PTPRD: variants seen among roughly 807,000 people sequenced by gnomAD.
PTPRD encodes protein tyrosine phosphatase receptor type D.
Under a neutral mutation model 214.5 loss-of-function variants are expected in PTPRD, and 34 were observed. The ratio of observed to expected loss-of-function variants is 0.16; its 90% CI spans 0.12 to 0.21. The LOEUF is 0.21. PTPRD is among the 10% of genes least tolerant of loss of function. The probability of loss-of-function intolerance (pLI) is 1.00; values close to 1 mark genes in which losing one functional copy is unlikely to be tolerated. For synonymous variants in PTPRD, 1,128 were observed against 845.7 expected (o/e 1.33, Z -5.79); for missense variants, 2,545 against 2,398.7 (o/e 1.06, Z -1.27).
rs1322284 is a variant in PTPRD at position 10,582,950 on chromosome 9, G to T, written c.-600+29448C>A. 9.7e-3 allele frequency among the ~76,000 whole-genome samples: 1,472 copies of T among 152,178 alleles called. 60 individuals carry two copies. In the East Asian group the frequency reaches 0.11, roughly 12 times the overall value. On this transcript the variant is annotated intron_variant, in intron 2 of 45. Coordinates refer to ENST00000381196, the MANE Select transcript of PTPRD (RefSeq NM_002839.4). ...GTGAAATGACATAGGATAGAGGGAG[G>T]AAAAAATAGAAGTGTATTTGATAGA...
rs896960730 is a variant in PTPRD, at chr9:9,776,617, C to T, written c.-367-9766G>A. 6.6e-5 allele frequency among the ~76,000 whole-genome samples: 10 copies of T among 152,252 alleles called. No homozygotes were observed. The South Asian group carries it at 8.3e-4, about 13-fold the overall frequency. On this transcript the variant is annotated intron_variant, in intron 5 of 45. Coordinates refer to ENST00000381196, the MANE Select transcript of PTPRD (RefSeq NM_002839.4). ...TGTGTTGAATCCAAAATACGATCTA[C>T]TCCCTTCTAGCTAACAAGAAAAAAA...
In PTPRD at chr9:9,726,238, G is replaced by A. The variant is rs897151381; in HGVS notation, c.-287+8295C>T. On this transcript the variant is annotated intron_variant, in intron 7 of 45. Coordinates refer to ENST00000381196, the MANE Select transcript of PTPRD (RefSeq NM_002839.4). ...CCTACACCAAAAAAACTTCACTATC[G>A]GATATCCGCATAACACTGACATTGG... 4.0e-4 allele frequency among the ~76,000 whole-genome samples: 61 copies of A among 151,996 alleles called. 1 individual carries two copies. Among genetic ancestry groups the A allele is most frequent in the Admixed American group, 2.6e-4 (4 of 15,250 alleles).
intron 11 of PTPRD, among the ~76,000 whole-genome samples, chr9:8,969,095 CA>C (rs2099219437): frequency 6.6e-6 from 1 of 152,084 alleles, no homozygotes; most frequent in African/African-American, 2.4e-5. Flanking sequence ...TCCTCCTCCT[CA>C]TCCCATTCCT....
intron 2 of PTPRD, among the ~76,000 whole-genome samples, chr9:10,564,454 A>T (rs2065028947): frequency 2.6e-5 from 4 of 151,888 alleles, no homozygotes; most frequent in Non-Finnish European, 5.9e-5. Flanking sequence ...AGAAAAAAAA[A>T]AAAGAAATTT....
intron 2 of PTPRD, among the ~76,000 whole-genome samples, chr9:10,601,311 G>T (rs1178838130): frequency 6.6e-6 from 1 of 151,384 alleles, no homozygotes; most frequent in Admixed American, 6.6e-5. Flanking sequence ...AAAAAAAAAT[G>T]TTGGCCTGAT....
rs1563830632 is a variant in PTPRD at position 8,316,227 on chromosome 9, T to C, written c.*1647A>G. The C allele has an allele frequency of 4.3e-6, 1 of 230,060 alleles. No individual in the cohort carries two copies. Among genetic ancestry groups the C allele is most frequent in the Non-Finnish European group, 8.6e-6 (1 of 115,826 alleles). The allele number at this position is 230,060 out of a possible 1,614,324, so 14.3% of individuals were successfully genotyped here. On this transcript the variant is annotated 3_prime_UTR_variant, in exon 46 of 46. Coordinates refer to ENST00000381196, the MANE Select transcript of PTPRD (RefSeq NM_002839.4). ...GGAATGCATATTATTCAAAGAGTTT[T>C]TGTACATGTGGTAAACAGATAATGC...
At chr9:8,835,655 G>C (rs1001610901) in intron 11 of PTPRD, among the ~76,000 whole-genome samples, 1 of 152,064 alleles carries the variant, frequency 6.6e-6, no homozygotes, top group Non-Finnish European at 1.5e-5. Context: ...TCAGCCTCCT[G>C]AGTAGCTGGA....
intron 3 of PTPRD, among the ~76,000 whole-genome samples, chr9:10,314,176 G>C (rs2096355287): frequency 6.6e-6 from 1 of 151,838 alleles, no homozygotes; most frequent in Non-Finnish European, 1.5e-5. Context: ...ATATTAATAT[G>C]GTAGATACAT....
At chr9:10,540,095 G>T (rs541829076) in intron 2 of PTPRD, among the ~76,000 whole-genome samples, 1 of 152,040 alleles carries the variant, frequency 6.6e-6, no homozygotes, top group Non-Finnish European at 1.5e-5. Context: ...CAGTGGCATG[G>T]TCTTGGCTCA....
chr9:10,069,898 G>A (rs1237171232), intron 3 of PTPRD, among the ~76,000 whole-genome samples: 4 of 152,054 alleles, frequency 2.6e-5, no homozygotes, highest in Admixed American at 2.6e-4. Flanking sequence ...TAAAAGAAGA[G>A]ATCCTATGTA....
At chr9:8,962,697 T>A (rs1039766339) in intron 11 of PTPRD, 3 of 152,122 alleles carry the variant, frequency 2.0e-5, no homozygotes, top group Non-Finnish European at 1.5e-5. Flanking sequence ...AATAACAAAT[T>A]AGCTGAGTCA....
At chr9:9,376,595 T>C (rs932130214) in intron 9 of PTPRD, among the ~76,000 whole-genome samples, 1 of 152,136 alleles carries the variant, frequency 6.6e-6, no homozygotes, top group African/African-American at 2.4e-5. Flanking sequence ...AGTGAAACAT[T>C]TCCTAAACAC....
chr9:8,676,838 G>T (rs9886794), intron 12 of PTPRD, among the ~76,000 whole-genome samples: 42,442 of 152,060 alleles, frequency 0.28, 6,648 homozygotes, highest in African/African-American at 0.42. Flanking sequence ...CCTCCCAAAG[G>T]GCTGGGACTG....
At chr9:8,915,248 T>C (rs1467083583) in intron 11 of PTPRD, among the ~76,000 whole-genome samples, 1 of 152,146 alleles carries the variant, frequency 6.6e-6, no homozygotes, top group East Asian at 1.9e-4. Flanking sequence ...ATCAACGTTT[T>C]GAAGAATCCA....
chr9:10,037,692 A>G (rs2097212666), intron 3 of PTPRD, among the ~76,000 whole-genome samples: 1 of 151,900 alleles, frequency 6.6e-6, no homozygotes, highest in Non-Finnish European at 1.5e-5. Context: ...CTAATATTTG[A>G]GAGAGGATCA....
intron 11 of PTPRD, among the ~76,000 whole-genome samples, chr9:8,789,535 GTCT>G (rs1566074797): frequency 6.6e-6 from 1 of 152,104 alleles, no homozygotes; most frequent in African/African-American, 2.4e-5. Context: ...TAGCACTCCT[GTCT>G]TCTTTGGTGT....
intron 11 of PTPRD, among the ~76,000 whole-genome samples, chr9:8,865,401 C>G (rs1019810129): frequency 1.3e-5 from 2 of 152,022 alleles, no homozygotes; most frequent in African/African-American, 4.8e-5. Flanking sequence ...ATAGGCATTT[C>G]ATAAATATTT....
At chr9:9,820,384 G>C (rs1229179984) in intron 5 of PTPRD, among the ~76,000 whole-genome samples, 1 of 152,042 alleles carries the variant, frequency 6.6e-6, no homozygotes, top group Non-Finnish European at 1.5e-5. Flanking sequence ...GTGAATATTA[G>C]GCCTTTGTTG....
chr9:10,071,161 C>G (rs1324287347), intron 3 of PTPRD, among the ~76,000 whole-genome samples: 1 of 151,934 alleles, frequency 6.6e-6, no homozygotes, highest in African/African-American at 2.4e-5. Context: ...GATTGGAAGA[C>G]TCAAACAATA....
Sources: allele counts gnomAD v4.1 joint callset (sites outside exome capture counted in the v4.1 genomes callset), GRCh38; gene constraint gnomAD v4.1.1; transcripts MANE v1.5; gene names NCBI Gene and HGNC (gene_info 2026-07-23, HGNC 2026-07-21).